Variants in P4HB observed in about 807,000 individuals in gnomAD.
P4HB encodes prolyl 4-hydroxylase subunit beta.
Under a neutral mutation model 52.6 loss-of-function variants are expected in P4HB, and 20 were observed. The observed-to-expected ratio is 0.38, with a 90% CI of 0.27 to 0.55. P4HB has a LOEUF of 0.55. Ranked by LOEUF, P4HB falls within the 20% of genes least tolerant of loss-of-function variation. The pLI is 0.74. For synonymous variants in P4HB, 296 were observed against 277.9 expected, an observed-to-expected ratio of 1.07 and a Z score of -0.65; for missense variants, 601 against 669.2, an observed-to-expected ratio of 0.90 and a Z score of 1.12.
chr17:81,860,519 G>T lies in P4HB; in HGVS notation c.-48C>A. 1 of 1,233,822 alleles carries T rather than the reference G, an allele frequency of 8.1e-7. No homozygotes were observed. Among genetic ancestry groups the T allele is most frequent in the East Asian group, 3.2e-5 (1 of 31,056 alleles). The allele number at this position is 1,233,822 out of a possible 1,614,324, so 76.4% of individuals were successfully genotyped here. ...CGCTTCGGTTGGCGCCGCCGGGACAGCGGGGGCGACGAGAGCGCGCGCCGG... is the reference window on the plus strand; with the variant it reads ...CGCTTCGGTTGGCGCCGCCGGGACATCGGGGGCGACGAGAGCGCGCGCCGG... On this transcript the variant is annotated 5_prime_UTR_variant, in exon 1 of 11. It adds an upstream start codon to the 5' untranslated region. Coordinates refer to ENST00000331483, the MANE Select transcript of P4HB (RefSeq NM_000918.4).
intron 10 of P4HB, among the ~76,000 whole-genome samples, chr17:81,844,730 G>A (rs1297359245): frequency 6.6e-6 from 1 of 152,228 alleles, no homozygotes; most frequent in African/African-American, 2.4e-5. Context: ...AGTCACCACT[G>A]CTGCTGGCCA....
chr17:81,844,514 T>C (rs149330029), intron 10 of P4HB, among the ~76,000 whole-genome samples: 49 of 152,276 alleles, frequency 3.2e-4, no homozygotes, highest in African/African-American at 1.1e-3. Context: ...ACCCTTGGGC[T>C]CTGGCCAATG....
intron 4 of P4HB, among the ~76,000 whole-genome samples, chr17:81,849,045 CAA>C (rs111762775): frequency 1.2e-4 from 14 of 116,604 alleles, no homozygotes; most frequent in African/African-American, 9.6e-5. Flanking sequence ...GACTCTGTCT[CAA>C]AAAAAAAAAA....
intron 4 of P4HB, among the ~76,000 whole-genome samples, chr17:81,854,735 G>A (rs542680909): frequency 4.0e-5 from 6 of 151,842 alleles, no homozygotes; most frequent in Non-Finnish European, 5.9e-5. Flanking sequence ...CCAGCTACTC[G>A]GGAGGCCGAG....
intron 4 of P4HB, among the ~76,000 whole-genome samples, chr17:81,850,928 C>A (rs934101731): frequency 1.2e-4 from 18 of 151,676 alleles, no homozygotes; most frequent in Middle Eastern, 3.4e-3. Flanking sequence ...AAGCCTGGTC[C>A]CCTTGAACCT....
chr17:81,859,787 A>T (rs971577445), intron 1 of P4HB: 1 of 284,092 alleles, frequency 3.5e-6, no homozygotes, highest in African/African-American at 2.2e-5. Context: ...TGTGAGTATG[A>T]GATGCACATC....
intron 4 of P4HB, among the ~76,000 whole-genome samples, chr17:81,854,538 T>A (rs1442968766): frequency 8.1e-6 from 1 of 123,760 alleles, no homozygotes; most frequent in African/African-American, 3.2e-5. Context: ...TGAGAAACCC[T>A]ATCTCAAAAA....
intron 2 of P4HB, among the ~76,000 whole-genome samples, chr17:81,858,197 G>A (rs1018847615): frequency 2.7e-5 from 4 of 149,154 alleles, no homozygotes; most frequent in African/African-American, 7.4e-5. Context: ...ACTTGTACCC[G>A]GGAGGCAGAG....
intron 4 of P4HB, among the ~76,000 whole-genome samples, chr17:81,849,696 C>T (rs757104548): frequency 3.3e-5 from 5 of 152,202 alleles, no homozygotes; most frequent in Admixed American, 6.5e-5. Flanking sequence ...GAGGGGTCAG[C>T]CTGCAGCTGA....
chr17:81,850,015 A>G (rs2038803725), intron 4 of P4HB, among the ~76,000 whole-genome samples: 1 of 148,946 alleles, frequency 6.7e-6, no homozygotes, highest in African/African-American at 2.5e-5. Context: ...TTTAGTAGAG[A>G]CAGGGTTTTA....
chr17:81,857,195 C>T (rs1336437165), intron 2 of P4HB, among the ~76,000 whole-genome samples: 1 of 152,162 alleles, frequency 6.6e-6, no homozygotes, highest in Non-Finnish European at 1.5e-5. Context: ...GTCACCCAGG[C>T]TGGAGTGCGG....
intron 1 of P4HB, 58 bp from the exon 2 acceptor site, chr17:81,859,445 C>G: frequency 7.0e-7 from 1 of 1,438,198 alleles, no homozygotes; most frequent in East Asian, 2.3e-5. Context: ...AGCCTTGATC[C>G]CTCAGCAGTG....
rs1392338884 is a variant in P4HB at position 81,846,676 on chromosome 17, C to A, written c.856-47G>T. On this transcript the variant is annotated intron_variant, in intron 6 of 10. Transcript: ENST00000331483. This position sits in a 1 kb window ranked among gnomAD's most constrained non-coding sequence, Gnocchi z 5.7. The stretch of plus-strand genomic sequence containing the variant: ...CACAGGTGCGGGAGACGGCTGGCCT[C>A]TGCCTCCAGCCCTGACTTTGCTCGG... 3.8e-6 allele frequency: 6 copies of A among 1,563,606 alleles called. No individual in the cohort carries two copies. Among genetic ancestry groups the A allele is most frequent in the Non-Finnish European group, 5.3e-6 (6 of 1,140,352 alleles).
At position 81,843,593 on chromosome 17, in the gene P4HB, G is replaced by A. The variant is rs1025410599; in HGVS notation, c.*419C>T. Reference sequence around the variant, plus strand: ...TCCCACACGGGGGACAAGCTTCTCCGAGGAGGCCTGGCCAAGGTGGAACAA... The same window carrying A: ...TCCCACACGGGGGACAAGCTTCTCCAAGGAGGCCTGGCCAAGGTGGAACAA... On this transcript the variant is annotated 3_prime_UTR_variant, in exon 11 of 11. Transcript: ENST00000331483. The A allele has an allele frequency of 2.5e-5, 11 of 442,366 alleles. No individual in the cohort carries two copies. In the South Asian group the frequency reaches 2.6e-4, roughly 11 times the overall value. 27.4% of individuals were successfully genotyped at this position (442,366 alleles called of 1,614,324 possible).
At position 81,843,906 on chromosome 17, in the gene P4HB, G is replaced by C; in HGVS notation, c.*106C>G. 1.2e-6 allele frequency: 1 copy of C among 824,502 alleles called. No individual in the cohort carries two copies. 51.1% of individuals were successfully genotyped at this position (824,502 alleles called of 1,614,324 possible). The stretch of plus-strand genomic sequence containing the variant: ...CTTCAGAGAGGTTCCCTGGGTTTCC[G>C]GCGACGCCCTCCTTCAAGCGAGGCC... On this transcript the variant is annotated 3_prime_UTR_variant, in exon 11 of 11. Coordinates refer to ENST00000331483, the MANE Select transcript of P4HB (RefSeq NM_000918.4).
At chr17:81,858,693 A>C (rs147777672) in intron 2 of P4HB, 73 of 170,628 alleles carry the variant, frequency 4.3e-4, no homozygotes, top group African/African-American at 1.4e-3. Flanking sequence ...CGATGCTGTT[A>C]CTCAGCTGCT....
chr17:81,844,420 G>A (rs2038701506), intron 10 of P4HB, among the ~76,000 whole-genome samples: 1 of 152,180 alleles, frequency 6.6e-6, no homozygotes, highest in South Asian at 2.1e-4. Flanking sequence ...GGAGTCTACA[G>A]AGGGTCCACA....
At position 81,847,702 on chromosome 17, in the gene P4HB, C is replaced by A. The variant is rs1331766691; in HGVS notation, c.625-355G>T. On this transcript the variant is annotated intron_variant, in intron 4 of 10. Transcript: ENST00000331483. ...TTTTCTTTTTTATTTGTTTTTGAGA[C>A]AGTCTCGCTCTGTTGCCCAGGCTGG... is the stretch of plus-strand genomic sequence containing the variant. 6 of 275,130 alleles carry A rather than the reference C, an allele frequency of 2.2e-5. No individual in the cohort carries two copies. The East Asian group carries it at 4.7e-4, about 22-fold the overall frequency. 17.0% of individuals were successfully genotyped at this position (275,130 alleles called of 1,614,324 possible).
chr17:81,846,643 G>C lies in P4HB; in HGVS notation c.856-14C>G, dbSNP rs2038740106. On this transcript the variant is annotated splice_polypyrimidine_tract_variant and intron_variant, in intron 6 of 10. Coordinates refer to ENST00000331483, the MANE Select transcript of P4HB (RefSeq NM_000918.4). This position sits in a 1 kb window ranked among gnomAD's most constrained non-coding sequence, Gnocchi z 5.7. ...GATGAACAGGATCTGGGGGAGAAAA[G>C]GAGGTTGCACAGGTGCGGGAGACGG... 1 of 1,612,568 alleles carries C rather than the reference G, an allele frequency of 6.2e-7. No homozygotes were observed.
Sources: gnomAD v4.1 joint callset for allele counts (sites outside exome capture counted in the v4.1 genomes callset) on GRCh38, gnomAD v4.1.1 for gene constraint, Gnocchi (gnomAD v3.1) non-coding constraint, MANE v1.5 for transcripts, NCBI Gene and HGNC (gene_info 2026-07-23, HGNC 2026-07-21) for gene names.